Variants in CELSR2 observed in about 807,000 individuals in gnomAD.
The protein encoded by CELSR2 is EGF-like protein 2.
Under a neutral mutation model 251.6 loss-of-function variants are expected in CELSR2, and 81 were observed. That is an observed-to-expected ratio of 0.32 (90% confidence interval 0.27 to 0.39). The LOEUF (loss-of-function observed/expected upper bound fraction) is 0.39, where lower values mean the gene tolerates loss of function less well. CELSR2 is among the 10% of genes least tolerant of loss of function. The pLI, the probability that CELSR2 is intolerant of heterozygous loss-of-function variation, is 1.00. For synonymous variants in CELSR2, 1,721 were observed against 1,670.5 expected (o/e 1.03, Z -0.74); for missense variants, 3,365 against 3,947.7 (o/e 0.85, Z 3.96).
chr1:109,268,238 C>T (rs564020586), intron 17 of CELSR2, among the ~76,000 whole-genome samples, 178 bp downstream of exon 17: 1 of 152,338 alleles, frequency 6.6e-6, no homozygotes, highest in South Asian at 2.1e-4. Flanking sequence ...CCCAACCCTT[C>T]TCATAGTAAC....
rs1434303933 is a variant in CELSR2, at chr1:109,274,498, G to A, written c.*449G>A. 5.0e-6 allele frequency: 1 copy of A among 200,770 alleles called. No individual in the cohort carries two copies. Among genetic ancestry groups the A allele is most frequent in the Non-Finnish European group, 1.0e-5 (1 of 99,106 alleles). The allele number at this position is 200,770 out of a possible 1,614,324, so 12.4% of individuals were successfully genotyped here. ...CTCTGGGAGGAGAGGGACTCCTGGG[G>A]GGCCTGCCCCTCATACGCCATCACC... On this transcript the variant is annotated 3_prime_UTR_variant, in exon 34 of 34. Coordinates refer to ENST00000271332, the MANE Select transcript of CELSR2 (RefSeq NM_001408.3).
At position 109,264,360 on chromosome 1, in the gene CELSR2, T is replaced by G. The variant is rs774464762; in HGVS notation, c.5284T>G (p.Leu1762Val). 1.9e-5 allele frequency: 30 copies of G among 1,606,896 alleles called. No homozygotes were observed. The highest frequency in any genetic ancestry group is 2.5e-5 in the Non-Finnish European group (29 of 1,174,786). The change falls in exon 10 of 34, where the codon TTG (leucine) becomes GTG (valine). Residue 1762 changes from leucine (L) to valine (V), a missense_variant. Coordinates refer to ENST00000271332, the MANE Select transcript of CELSR2 (RefSeq NM_001408.3). ...GGVARGFRGC[L>V]QGVRVSDTPE... ...TGTGGCCCGTGGCTTTCGGGGCTGTTTGCAGGTGAGTGTCCTGCCCTGCCC... is the reference window on the plus strand; with the variant it reads ...TGTGGCCCGTGGCTTTCGGGGCTGTGTGCAGGTGAGTGTCCTGCCCTGCCC...
At chr1:109,263,046 G>A in intron 7 of CELSR2, 77 bp downstream of exon 7, 1 of 1,586,422 alleles carries the variant, frequency 6.3e-7, no homozygotes, top group Non-Finnish European at 8.6e-7. Context: ...GAGGATGCCA[G>A]AATGGAGGGT....
intron 2 of CELSR2, 133 bp from the exon 3 acceptor site, chr1:109,260,909 G>A: frequency 1.5e-6 from 1 of 645,914 alleles, no homozygotes; most frequent in East Asian, 2.7e-5. Flanking sequence ...GAGGAAGTGG[G>A]GATGCCTGGG....
rs2101227414 is a variant in CELSR2 at position 109,250,157 on chromosome 1, G to C, written c.78G>C (p.Pro26=). The change falls in exon 1 of 34, where the codon CCG becomes CCC. Residue 26 remains proline (P), a synonymous_variant. Coordinates refer to ENST00000271332, the MANE Select transcript of CELSR2 (RefSeq NM_001408.3). This position sits in a 1 kb window ranked among gnomAD's most constrained non-coding sequence, Gnocchi z 4.4. The part of the protein sequence containing the change: ...PLLLLLLLLL[P]PPLLGDQVGP... ...TGCTGCTGTTGCTGCTGCTGCTGCC[G>C]CCGCCACTATTGGGAGACCAAGTGG... 1 of 1,597,138 alleles carries C rather than the reference G, an allele frequency of 6.3e-7. No homozygotes were observed. The highest frequency in any genetic ancestry group is 8.5e-7 in the Non-Finnish European group (1 of 1,174,210).
Position 109,262,944 on chromosome 1 carries a change from C to T in CELSR2, c.4683C>T (p.Phe1561=). The change falls in exon 7 of 34, where the codon TTC becomes TTT. Residue 1561 remains phenylalanine (F), a synonymous_variant. Coordinates refer to ENST00000271332, the MANE Select transcript of CELSR2 (RefSeq NM_001408.3). ...VDSRHIDMAD[F]IANNGTVPGC... is the part of the protein sequence containing the mutation. The stretch of plus-strand genomic sequence containing the variant: ...GCCGGCACATAGACATGGCTGACTT[C>T]ATTGCCAACAATGGCACCGTGCCTG... 1 of 1,613,686 alleles carries T rather than the reference C, an allele frequency of 6.2e-7. No individual in the cohort carries two copies. Among genetic ancestry groups the T allele is most frequent in the South Asian group, 1.1e-5 (1 of 91,084 alleles).
chr1:109,251,059 G>A lies in CELSR2; in HGVS notation c.980G>A (p.Arg327His), dbSNP rs1320367572. ...DAPPNANILY[R>H]LLEGSGGSPS... ...CCTCCCAATGCCAATATTCTGTACC[G>A]CCTGCTGGAGGGGTCTGGGGGCAGC... is the stretch of plus-strand genomic sequence containing the variant. Residue 327 changes from arginine to histidine, a missense_variant, in exon 1 of 34, where the codon CGC (arginine) becomes CAC (histidine). Arg to His is a conservative substitution (Grantham distance 29). Coordinates refer to ENST00000271332, the MANE Select transcript of CELSR2 (RefSeq NM_001408.3). This position sits in a 1 kb window ranked among gnomAD's most constrained non-coding sequence, Gnocchi z 4.9. The A allele has an allele frequency of 8.1e-6, 13 of 1,613,340 alleles. No homozygotes were observed. The highest frequency in any genetic ancestry group is 2.2e-5 in the East Asian group (1 of 44,888).
rs1419809802 is a variant in CELSR2, at chr1:109,273,541, A to G, written c.8615A>G (p.Glu2872Gly). ...TGSSRGSSAS[E>G]GSRGGPPPRP... Reference sequence around the variant, plus strand: ...TCTTCCCGGGGCTCCTCCGCTAGTGAGGGCAGCCGGGGAGGCCCCCCTCCC... The same window carrying G: ...TCTTCCCGGGGCTCCTCCGCTAGTGGGGGCAGCCGGGGAGGCCCCCCTCCC... The change falls in exon 33 of 34, where the codon GAG becomes GGG. Residue 2872 changes from glutamate to glycine, a missense_variant. Coordinates refer to ENST00000271332, the MANE Select transcript of CELSR2 (RefSeq NM_001408.3). The G allele has an allele frequency of 4.4e-6, 7 of 1,586,428 alleles. No homozygotes were observed. The South Asian group carries it at 8.0e-5, about 18-fold the overall frequency.
Position 109,272,976 on chromosome 1 carries a change from A to T in CELSR2, c.8287A>T (p.Ser2763Cys), listed in dbSNP as rs756520103. Residue 2763 changes from serine to cysteine, a missense_variant, in exon 31 of 34, where the codon AGC becomes TGC. Coordinates refer to ENST00000271332, the MANE Select transcript of CELSR2 (RefSeq NM_001408.3). ...AAFPGEQGWD[S>C]LLGPGAERLP... ...CTTCCCTGGAGAGCAGGGCTGGGAT[A>T]GCCTGCTGGGGCCTGGAGCAGAGAG... 3 of 1,613,904 alleles carry T rather than the reference A, an allele frequency of 1.9e-6. No homozygotes were observed. The highest frequency in any genetic ancestry group is 2.5e-6 in the Non-Finnish European group (3 of 1,179,996).
intron 1 of CELSR2, among the ~76,000 whole-genome samples, chr1:109,257,596 G>C (rs634495): frequency 0.15 from 22,551 of 152,106 alleles, 2,366 homozygotes; most frequent in African/African-American, 0.29. Context: ...GGGTGTAATG[G>C]TTGAGCCAAG....
chr1:109,253,487 A>T, intron 1 of CELSR2, 98 bp downstream of exon 1: 1 of 1,481,030 alleles, frequency 6.8e-7, no homozygotes, highest in Non-Finnish European at 8.9e-7. Context: ...GCAGCTACAG[A>T]TCCACCTCCC....
chr1:109,262,294 T>G lies in CELSR2; in HGVS notation c.4394T>G (p.Leu1465Trp). 6.2e-7 allele frequency: 1 copy of G among 1,613,918 alleles called. No individual in the cohort carries two copies. The change falls in exon 6 of 34, where the codon TTG (leucine) becomes TGG (tryptophan). Residue 1465 changes from leucine to tryptophan, a missense_variant. Coordinates refer to ENST00000271332, the MANE Select transcript of CELSR2 (RefSeq NM_001408.3). The part of the protein sequence containing the change: ...VQLKYYNKPL[L>W]GQTGLPQGPS... ...GCTCTTTCCTGTCCACAGCCACTGT[T>G]GGGTCAGACAGGGCTCCCACAGGGC...
intron 12 of CELSR2, 86 bp downstream of exon 12, chr1:109,265,095 G>C (rs919253459): frequency 3.9e-5 from 63 of 1,596,724 alleles, no homozygotes; most frequent in Non-Finnish European, 5.2e-5. Flanking sequence ...AAGCCTGGCT[G>C]ATCCACAGCC....
Position 109,250,430 on chromosome 1 carries a change from G to A in CELSR2, c.351G>A (p.Leu117=), listed in dbSNP as rs1299307588. ...PEGCPWSCRL[L]GIGGHLSPQG... Reference sequence around the variant, plus strand: ...GCTGCCCCTGGAGCTGTCGCCTCCTGGGCATTGGAGGCCACCTTTCCCCAC... The same window carrying A: ...GCTGCCCCTGGAGCTGTCGCCTCCTAGGCATTGGAGGCCACCTTTCCCCAC... Residue 117 remains leucine (L), a synonymous_variant, in exon 1 of 34, where the codon CTG becomes CTA. Coordinates refer to ENST00000271332, the MANE Select transcript of CELSR2 (RefSeq NM_001408.3). This position sits in a 1 kb window ranked among gnomAD's most constrained non-coding sequence, Gnocchi z 4.4. 1.2e-6 allele frequency: 2 copies of A among 1,613,660 alleles called. No individual in the cohort carries two copies. Among genetic ancestry groups the A allele is most frequent in the African/African-American group, 1.3e-5 (1 of 75,056 alleles).
chr1:109,266,771 A>G (rs180770140), intron 15 of CELSR2, among the ~76,000 whole-genome samples: 32 of 144,816 alleles, frequency 2.2e-4, no homozygotes, highest in Middle Eastern at 4.1e-3. Context: ...TCAGGCTACA[A>G]TGCAGTGGCA....
chr1:109,262,893 C>A lies in CELSR2; in HGVS notation c.4632C>A (p.Gly1544=), dbSNP rs750014999. 25 of 1,613,724 alleles carry A rather than the reference C, an allele frequency of 1.5e-5. No individual in the cohort carries two copies. The highest frequency in any genetic ancestry group is 1.9e-5 in the Non-Finnish European group (22 of 1,180,034). The change falls in exon 7 of 34, where the codon GGC becomes GGA. Residue 1544 remains glycine (G), a synonymous_variant. Transcript: ENST00000271332. ...CAGTCCGAATGCGGCAGTTCGTGGG[C>A]TGCATGCGGAACCTGCAGGTGGACA... ...SFPVRMRQFV[G]CMRNLQVDSR...
At position 109,273,200 on chromosome 1, in the gene CELSR2, A is replaced by T; in HGVS notation, c.8373A>T (p.Pro2791=). ...CAGGGCCTGGCAAGGCCCCCTGGCC[A>T]GGAGACTTTGGGACCACAGCAAAAG... is the stretch of plus-strand genomic sequence containing the variant. ...GGPGPGKAPW[P]GDFGTTAKES... Residue 2791 remains proline, a synonymous_variant, in exon 32 of 34, where the codon CCA becomes CCT. Transcript: ENST00000271332. 6.2e-7 allele frequency: 1 copy of T among 1,613,586 alleles called. No homozygotes were observed. The highest frequency in any genetic ancestry group is 8.5e-7 in the Non-Finnish European group (1 of 1,179,820).
chr1:109,270,447 A>G lies in CELSR2; in HGVS notation c.7330A>G (p.Ile2444Val), dbSNP rs746988012. Residue 2444 changes from isoleucine (I) to valine (V), a missense_variant, in exon 24 of 34, where the codon ATC (isoleucine) becomes GTC (valine). By Grantham distance (29) the Ile-to-Val change is conservative. Coordinates refer to ENST00000271332, the MANE Select transcript of CELSR2 (RefSeq NM_001408.3). ...DLPFACTVIAILLHFLYLCTF... is the reference protein window; with the variant it reads ...DLPFACTVIAVLLHFLYLCTF... The stretch of plus-strand genomic sequence containing the variant: ...TCAGTTTGCCTGCACAGTCATTGCC[A>G]TCCTGCTGCACTTCCTGTACCTCTG... 21 of 1,614,048 alleles carry G rather than the reference A, an allele frequency of 1.3e-5. No individual in the cohort carries two copies. The South Asian group carries it at 2.3e-4, about 18-fold the overall frequency.
chr1:109,267,312 G>C (rs555758091), intron 15 of CELSR2, among the ~76,000 whole-genome samples: 3 of 152,264 alleles, frequency 2.0e-5, no homozygotes, highest in African/African-American at 7.2e-5. Flanking sequence ...CAGGCAGGAT[G>C]GGGGCTCAAG....
Sources: allele counts gnomAD v4.1 joint callset (sites outside exome capture counted in the v4.1 genomes callset), GRCh38; gene constraint gnomAD v4.1.1; non-coding constraint Gnocchi (gnomAD v3.1); transcripts MANE v1.5; gene names NCBI Gene and HGNC (gene_info 2026-07-23, HGNC 2026-07-21).